Variants in KANSL1L observed in about 807,000 individuals in gnomAD.
The protein encoded by KANSL1L is KAT8 regulatory NSL complex subunit 1-like protein.
In KANSL1L, 25 loss-of-function variants were observed where a neutral mutation model predicts 108.6. The observed-to-expected ratio is 0.23, with a 90% confidence interval of 0.17 to 0.32. The LOEUF (loss-of-function observed/expected upper bound fraction) is 0.32, where lower values mean the gene tolerates loss of function less well. KANSL1L is among the 10% of genes least tolerant of loss of function. KANSL1L has a pLI of 1.00. For missense variants in KANSL1L, 1,137 were observed against 1,125.7 expected (o/e 1.01, Z -0.14); for synonymous variants, 405 against 395.1 (o/e 1.03, Z -0.30).
At chr2:210,087,474 C>T (rs1037310005) in intron 5 of KANSL1L, among the ~76,000 whole-genome samples, 3 of 151,854 alleles carry the variant, frequency 2.0e-5, no homozygotes, top group Admixed American at 6.6e-5. Context: ...GAGACAGCCA[C>T]GAAAGCAACA....
At chr2:210,070,451 A>C (rs929007791) in intron 6 of KANSL1L, among the ~76,000 whole-genome samples, 1 of 151,164 alleles carries the variant, frequency 6.6e-6, no homozygotes, top group Admixed American at 6.6e-5. Flanking sequence ...AGGATGGTCT[A>C]GATCTCCTGA....
chr2:210,061,578 TC>T (rs2094420494), intron 6 of KANSL1L, among the ~76,000 whole-genome samples: 1 of 152,224 alleles, frequency 6.6e-6, no homozygotes, highest in African/African-American at 2.4e-5. Context: ...CATTTTCACA[TC>T]TAGCTATGCC....
At chr2:210,089,236 C>T (rs2094668954) in intron 5 of KANSL1L, among the ~76,000 whole-genome samples, 1 of 152,168 alleles carries the variant, frequency 6.6e-6, no homozygotes, top group African/African-American at 2.4e-5. Flanking sequence ...ATCTTACTGT[C>T]ACGGATACCT....
chr2:210,113,233 T>C lies in KANSL1L; in HGVS notation c.1231-8932A>G, dbSNP rs1034831804. ...TTAAAAAAAAATCCTCTCTTCATTT[T>C]TCTCTTTTCCCCTTTTGGGAGCCAG... On this transcript the variant is annotated intron_variant, in intron 3 of 14. Coordinates refer to ENST00000281772, the MANE Select transcript of KANSL1L (RefSeq NM_152519.4). Among the ~76,000 whole-genome samples, 8 of 152,318 alleles carry C rather than the reference T, an allele frequency of 5.3e-5. No individual in the cohort carries two copies. The South Asian group carries it at 1.2e-3, about 24-fold the overall frequency.
chr2:210,050,151 C>A (rs1271676586), intron 6 of KANSL1L, among the ~76,000 whole-genome samples: 1 of 152,114 alleles, frequency 6.6e-6, no homozygotes, highest in Non-Finnish European at 1.5e-5. Flanking sequence ...GGGTGTCTTT[C>A]AATCTTTTGC....
intron 3 of KANSL1L, 37 bp from the exon 4 acceptor site, chr2:210,104,338 A>C: frequency 6.6e-7 from 1 of 1,517,174 alleles, no homozygotes; most frequent in Non-Finnish European, 9.1e-7. Flanking sequence ...AAATGAAAAC[A>C]AACTTATTAT....
chr2:210,073,572 A>G lies in KANSL1L; in HGVS notation c.1755+1980T>C, dbSNP rs149544814. On this transcript the variant is annotated intron_variant, in intron 6 of 14. Coordinates refer to ENST00000281772, the MANE Select transcript of KANSL1L (RefSeq NM_152519.4). ...AAAAAAAACTCAGTTCCTCAATTAC[A>G]TAAGCCATGTTTCATGTGCTCAATA... Among the ~76,000 whole-genome samples, 806 of 152,152 alleles carry G rather than the reference A, an allele frequency of 5.3e-3. 5 individuals carry two copies. Among genetic ancestry groups the G allele is most frequent in the South Asian group, 1.0e-2 (48 of 4,812 alleles).
chr2:210,166,500 T>C (rs1459013504), intron 1 of KANSL1L, among the ~76,000 whole-genome samples: 1 of 152,154 alleles, frequency 6.6e-6, no homozygotes, highest in Non-Finnish European at 1.5e-5. Flanking sequence ...CTCCTGAGAA[T>C]GTGCATTAAA....
At chr2:210,081,467 T>C (rs1422828110) in intron 5 of KANSL1L, among the ~76,000 whole-genome samples, 1 of 152,214 alleles carries the variant, frequency 6.6e-6, no homozygotes, top group African/African-American at 2.4e-5. Flanking sequence ...TCAAATTCCC[T>C]GAGCTCTGAA....
chr2:210,060,577 A>G (rs563940465), intron 6 of KANSL1L, among the ~76,000 whole-genome samples: 24 of 152,356 alleles, frequency 1.6e-4, no homozygotes, highest in African/African-American at 5.5e-4. Context: ...AATTTAATTT[A>G]CTACTTCTGC....
intron 2 of KANSL1L, among the ~76,000 whole-genome samples, chr2:210,149,453 A>C (rs1171873962): frequency 6.6e-6 from 1 of 152,170 alleles, no homozygotes; most frequent in East Asian, 1.9e-4. Context: ...GCACTTATTA[A>C]AAATTTAGAA....
intron 2 of KANSL1L, among the ~76,000 whole-genome samples, chr2:210,131,682 C>T (rs772258763): frequency 9.9e-5 from 15 of 151,280 alleles, no homozygotes; most frequent in Non-Finnish European, 1.3e-4. Flanking sequence ...TCGCATCGGA[C>T]GCTTTGTGAT....
At chr2:210,036,466 G>A (rs2125163123) in intron 8 of KANSL1L, among the ~76,000 whole-genome samples, 1 of 152,200 alleles carries the variant, frequency 6.6e-6, no homozygotes. Flanking sequence ...ACAAGCATGA[G>A]CCACCACACT....
At chr2:210,034,441 C>T (rs2094071567) in intron 8 of KANSL1L, among the ~76,000 whole-genome samples, 1 of 152,062 alleles carries the variant, frequency 6.6e-6, no homozygotes, top group South Asian at 2.1e-4. Context: ...CAGCTATGTA[C>T]TGTAGAGTAA....
At chr2:210,090,556 G>C (rs2094684290) in intron 5 of KANSL1L, among the ~76,000 whole-genome samples, 1 of 152,114 alleles carries the variant, frequency 6.6e-6, no homozygotes, top group Non-Finnish European at 1.5e-5. Flanking sequence ...GGGGGTTTTT[G>C]AGACAGGGTC....
chr2:210,070,886 G>A lies in KANSL1L; in HGVS notation c.1755+4666C>T, dbSNP rs2094502973. On this transcript the variant is annotated intron_variant, in intron 6 of 14. Coordinates refer to ENST00000281772, the MANE Select transcript of KANSL1L (RefSeq NM_152519.4). ...TTAAATAAAACATATGTAGCCGGGTGCAGTGGCTCACGCCTGTAATCCCAG... is the reference window on the plus strand; with the variant it reads ...TTAAATAAAACATATGTAGCCGGGTACAGTGGCTCACGCCTGTAATCCCAG... Among the ~76,000 whole-genome samples the A allele has an allele frequency of 1.3e-5, 2 of 152,132 alleles. 1 individual carries two copies. Among genetic ancestry groups the A allele is most frequent in the Admixed American group, 1.3e-4 (2 of 15,288 alleles).
intron 1 of KANSL1L, among the ~76,000 whole-genome samples, chr2:210,158,701 T>TAAAA: frequency 7.3e-6 from 1 of 136,808 alleles, no homozygotes; most frequent in Non-Finnish European, 1.6e-5. Context: ...TGTATCCTTA[T>TAAAA]AAAAAAAAAA....
intron 6 of KANSL1L, among the ~76,000 whole-genome samples, chr2:210,067,701 G>A (rs1416352104): frequency 8.8e-6 from 1 of 113,924 alleles, no homozygotes; most frequent in Non-Finnish European, 1.7e-5. Flanking sequence ...GAGTGACAGA[G>A]TGAGACCCTG....
At chr2:210,036,968 G>C (rs1395722079) in intron 8 of KANSL1L, among the ~76,000 whole-genome samples, 1 of 151,756 alleles carries the variant, frequency 6.6e-6, no homozygotes, top group Non-Finnish European at 1.5e-5. Flanking sequence ...TATTTCCCAG[G>C]CTGGTCTTGA....
Sources: allele counts gnomAD v4.1 joint callset (sites outside exome capture counted in the v4.1 genomes callset), GRCh38; gene constraint gnomAD v4.1.1; transcripts MANE v1.5; gene names NCBI Gene and HGNC (gene_info 2026-07-23, HGNC 2026-07-21).